Variants in NCKAP5 observed in about 807,000 individuals in gnomAD.
NCKAP5 encodes the protein nck-associated protein 5.
Under a neutral mutation model 167.0 loss-of-function variants are expected in NCKAP5, and 92 were observed. That is an observed-to-expected ratio of 0.55 (90% confidence interval 0.47 to 0.66). The LOEUF (loss-of-function observed/expected upper bound fraction) is 0.66, where lower values mean the gene tolerates loss of function less well. Ranked by LOEUF, NCKAP5 falls within the 30% of genes least tolerant of loss-of-function variation. The probability of loss-of-function intolerance (pLI) is 0.00; values close to 1 mark genes in which losing one functional copy is unlikely to be tolerated. For missense variants in NCKAP5, 2,378 were observed against 2,315.0 expected (o/e 1.03, Z -0.56); for synonymous variants, 891 against 877.4 (o/e 1.02, Z -0.27).
chr2:132,900,713 G>T (rs915208450), intron 8 of NCKAP5, among the ~76,000 whole-genome samples: 8 of 152,036 alleles, frequency 5.3e-5, no homozygotes, highest in Non-Finnish European at 1.2e-4. Flanking sequence ...CTCTTACCCA[G>T]TGACTGTAAT....
At chr2:133,070,490 T>C (rs1343773167) in intron 6 of NCKAP5, among the ~76,000 whole-genome samples, 2 of 152,134 alleles carry the variant, frequency 1.3e-5, no homozygotes, top group African/African-American at 2.4e-5. Context: ...ATCTCTAGGA[T>C]ATCTAAGGAC....
At chr2:133,037,708 G>C (rs1241639994) in intron 6 of NCKAP5, among the ~76,000 whole-genome samples, 1 of 152,030 alleles carries the variant, frequency 6.6e-6, no homozygotes, top group Non-Finnish European at 1.5e-5. Flanking sequence ...AAATATTGGG[G>C]AAAATCTCCA....
At chr2:133,310,964 T>C (rs1208763763) in intron 3 of NCKAP5, among the ~76,000 whole-genome samples, 1 of 152,230 alleles carries the variant, frequency 6.6e-6, no homozygotes, top group East Asian at 1.9e-4. Flanking sequence ...CTCAATGTGA[T>C]GCTTCTGACA....
intron 5 of NCKAP5, among the ~76,000 whole-genome samples, chr2:133,171,728 T>C (rs995868790): frequency 1.3e-5 from 2 of 152,114 alleles, no homozygotes; most frequent in African/African-American, 4.8e-5. Context: ...CAGACAACAA[T>C]AGATCCGCCG....
chr2:133,441,172 C>T (rs1690833613), intron 3 of NCKAP5, among the ~76,000 whole-genome samples: 1 of 152,116 alleles, frequency 6.6e-6, no homozygotes, highest in Non-Finnish European at 1.5e-5. Context: ...CTCTGTCACC[C>T]TCATATGTGT....
At chr2:133,193,915 T>C (rs1479292722) in intron 5 of NCKAP5, among the ~76,000 whole-genome samples, 3 of 152,122 alleles carry the variant, frequency 2.0e-5, no homozygotes, top group African/African-American at 7.2e-5. Context: ...AAATTAAGCA[T>C]ATTGATAATT....
intron 3 of NCKAP5, among the ~76,000 whole-genome samples, chr2:133,361,911 T>C (rs376917921): frequency 4.6e-5 from 7 of 152,218 alleles, no homozygotes; most frequent in South Asian, 2.1e-4. Context: ...TATAAATTTA[T>C]TTTGATTCTG....
chr2:132,746,956 T>C (rs1401798337), intron 16 of NCKAP5, among the ~76,000 whole-genome samples: 1 of 152,044 alleles, frequency 6.6e-6, no homozygotes, highest in Non-Finnish European at 1.5e-5. Flanking sequence ...AGTGGTTCCC[T>C]GGGAGCAGTG....
intron 8 of NCKAP5, among the ~76,000 whole-genome samples, chr2:132,944,116 A>T (rs995956746): frequency 6.6e-6 from 1 of 152,242 alleles, no homozygotes; most frequent in Non-Finnish European, 1.5e-5. Context: ...ACCGTGTCTT[A>T]TAACGCAAGA....
At chr2:133,114,742 C>A (rs978166924) in intron 6 of NCKAP5, among the ~76,000 whole-genome samples, 1 of 151,876 alleles carries the variant, frequency 6.6e-6, no homozygotes, top group African/African-American at 2.4e-5. Context: ...TAGAATTTCC[C>A]ATAGTTTGGA....
intron 11 of NCKAP5, among the ~76,000 whole-genome samples, chr2:132,799,758 ATTATT>A (rs1004865746): frequency 6.6e-6 from 1 of 152,164 alleles, no homozygotes; most frequent in Admixed American, 6.5e-5. Flanking sequence ...AACATTTATT[ATTATT>A]TTTCAAAATT....
At chr2:133,375,288 G>A (rs1686067267) in intron 3 of NCKAP5, among the ~76,000 whole-genome samples, 1 of 152,164 alleles carries the variant, frequency 6.6e-6, no homozygotes, top group Non-Finnish European at 1.5e-5. Flanking sequence ...TATTCTTCTA[G>A]GGTGTTAGTA....
intron 2 of NCKAP5, among the ~76,000 whole-genome samples, chr2:133,551,032 T>G (rs1210049877): frequency 6.6e-6 from 1 of 151,852 alleles, no homozygotes; most frequent in African/African-American, 2.4e-5. Context: ...GAATCCAACT[T>G]ACAAGGGATG....
chr2:132,927,553 G>A (rs1017444946), intron 8 of NCKAP5, among the ~76,000 whole-genome samples: 1 of 151,958 alleles, frequency 6.6e-6, no homozygotes, highest in African/African-American at 2.4e-5. Flanking sequence ...TCACTGTTTT[G>A]TAATTTTCCT....
In NCKAP5 at chr2:133,447,358, T is replaced by C. The variant is rs566525133; in HGVS notation, c.69+70100A>G. Reference sequence around the variant, plus strand: ...GTCTTACGTAAATAATAAACCTGAATTGAATCGGCTCAATAACTTTATTTT... The same window carrying C: ...GTCTTACGTAAATAATAAACCTGAACTGAATCGGCTCAATAACTTTATTTT... On this transcript the variant is annotated intron_variant, in intron 3 of 19. Coordinates refer to ENST00000409261, the MANE Select transcript of NCKAP5 (RefSeq NM_207363.3). Among the ~76,000 whole-genome samples, 6 of 152,308 alleles carry C rather than the reference T, an allele frequency of 3.9e-5. No homozygotes were observed. In the East Asian group the frequency reaches 1.2e-3, roughly 29 times the overall value.
chr2:133,059,625 A>G (rs2079925052), intron 6 of NCKAP5, among the ~76,000 whole-genome samples: 1 of 151,934 alleles, frequency 6.6e-6, no homozygotes, highest in Non-Finnish European at 1.5e-5. Flanking sequence ...GTAAGCTGCA[A>G]TCATGCCATT....
intron 19 of NCKAP5, among the ~76,000 whole-genome samples, chr2:132,684,225 G>A (rs1032032964): frequency 6.6e-6 from 1 of 152,208 alleles, no homozygotes; most frequent in Admixed American, 6.5e-5. Flanking sequence ...TGCCCTGCAT[G>A]GCTGTGTAAA....
intron 15 of NCKAP5, among the ~76,000 whole-genome samples, chr2:132,779,538 T>C (rs1324441598): frequency 6.6e-6 from 1 of 151,230 alleles, no homozygotes; most frequent in East Asian, 1.9e-4. Flanking sequence ...GCAGGGGACA[T>C]CTGTGTTTTC....
At chr2:133,600,929 A>C in the NCKAP5 span, among the ~76,000 whole-genome samples, 1 of 152,244 alleles carries the variant, frequency 6.6e-6, no homozygotes, top group Non-Finnish European at 1.5e-5. Context: ...CCCTACAGGG[A>C]TGTTCTGAAA....
Sources: allele counts gnomAD v4.1 joint callset (sites outside exome capture counted in the v4.1 genomes callset), GRCh38; gene constraint gnomAD v4.1.1; transcripts MANE v1.5; gene names NCBI Gene and HGNC (gene_info 2026-07-23, HGNC 2026-07-21).